The following MAP3K5 variants were observed in gnomAD, a reference collection of about 807,000 sequenced individuals.
MAP3K5 encodes the protein mitogen-activated protein kinase kinase kinase 5.
A neutral mutation model predicts 158.7 loss-of-function variants in MAP3K5; 56 were observed. The ratio of observed to expected loss-of-function variants is 0.35; its 90% confidence interval spans 0.28 to 0.44. MAP3K5 has a LOEUF of 0.44. MAP3K5 is among the 20% of genes least tolerant of loss of function. The probability of loss-of-function intolerance (pLI) is 1.00; values close to 1 mark genes in which losing one functional copy is unlikely to be tolerated. For synonymous variants in MAP3K5, 579 were observed against 601.7 expected, an observed-to-expected ratio of 0.96 and a Z score of 0.55; for missense variants, 1,294 against 1,674.8, an observed-to-expected ratio of 0.77 and a Z score of 3.97.
At chr6:136,604,229 C>A (rs141960121) in intron 19 of MAP3K5, among the ~76,000 whole-genome samples, 1 of 151,194 alleles carries the variant, frequency 6.6e-6, no homozygotes, top group Non-Finnish European at 1.5e-5. Flanking sequence ...GGCTGAGGCA[C>A]GAGAATTGCT....
chr6:136,750,599 C>T (rs1176558485), intron 1 of MAP3K5, among the ~76,000 whole-genome samples: 1 of 152,204 alleles, frequency 6.6e-6, no homozygotes, highest in African/African-American at 2.4e-5. Context: ...TCGACAAGAT[C>T]ATGTGGCATC....
chr6:136,663,025 G>A (rs759884452), intron 8 of MAP3K5, among the ~76,000 whole-genome samples: 3 of 152,134 alleles, frequency 2.0e-5, no homozygotes, highest in Admixed American at 6.5e-5. Flanking sequence ...TTATGTTCAA[G>A]GCTGTTTTAG....
chr6:136,635,580 G>A (rs556223957), intron 14 of MAP3K5, among the ~76,000 whole-genome samples: 4 of 151,850 alleles, frequency 2.6e-5, no homozygotes, highest in African/African-American at 9.7e-5. Flanking sequence ...ACTTAACTAC[G>A]GGCAGAGTTA....
intron 7 of MAP3K5, among the ~76,000 whole-genome samples, chr6:136,691,439 G>A (rs1260493673): frequency 3.3e-5 from 5 of 151,908 alleles, no homozygotes; most frequent in South Asian, 2.1e-4. Context: ...GGGGAAACCC[G>A]GACTCAACTA....
chr6:136,580,433 C>T lies in MAP3K5; in HGVS notation c.3412-27G>A, dbSNP rs765138345. 69 of 1,465,216 alleles carry T rather than the reference C, an allele frequency of 4.7e-5. No individual in the cohort carries two copies. The African/African-American group carries it at 7.1e-4, about 15-fold the overall frequency. The allele number at this position is 1,465,216 out of a possible 1,614,324, so 90.8% of individuals were successfully genotyped here. On this transcript the variant is annotated intron_variant, in intron 24 of 29. Coordinates refer to ENST00000359015, the MANE Select transcript of MAP3K5 (RefSeq NM_005923.4). ...TGGAGAGAGAGTGACATTTAGCCTA[C>T]TTTAATTTTTAATTGCAAATAGCCT...
rs1376710336 is a variant in MAP3K5, at chr6:136,692,868, A to T, written c.1253+1272T>A. Among the ~76,000 whole-genome samples, 12 of 152,248 alleles carry T rather than the reference A, an allele frequency of 7.9e-5. No individual in the cohort carries two copies. In the East Asian group the frequency reaches 2.1e-3, roughly 27 times the overall value. On this transcript the variant is annotated intron_variant, in intron 7 of 29. Coordinates refer to ENST00000359015, the MANE Select transcript of MAP3K5 (RefSeq NM_005923.4). ...CTACTCAGGAGGCTGAGGTGGGAAG[A>T]TCACTTGAGCTCAGGAGGTGGAGGT...
chr6:136,663,518 C>T (rs1484482144), intron 8 of MAP3K5, among the ~76,000 whole-genome samples: 1 of 145,420 alleles, frequency 6.9e-6, no homozygotes, highest in Non-Finnish European at 1.5e-5. Context: ...GATTGACTCC[C>T]AAATGTCTCT....
intron 24 of MAP3K5, 103 bp from the exon 25 acceptor site, chr6:136,580,509 T>C (rs746908636): frequency 9.7e-6 from 6 of 621,052 alleles, no homozygotes; most frequent in Non-Finnish European, 1.7e-5. Flanking sequence ...AACTAAAAAG[T>C]TTCTTCAACT....
chr6:136,622,697 AATG>A, intron 15 of MAP3K5, 148 bp downstream of exon 15: 1 of 799,292 alleles, frequency 1.3e-6, no homozygotes, highest in East Asian at 2.5e-5. Flanking sequence ...TCAAACACTG[AATG>A]ATGCAGCAGC....
intron 25 of MAP3K5, among the ~76,000 whole-genome samples, chr6:136,571,434 G>A (rs144650176): frequency 1.8e-4 from 27 of 152,126 alleles, no homozygotes; most frequent in Admixed American, 1.7e-3. Flanking sequence ...ATAAGCCACT[G>A]GGTGCCACTC....
intron 1 of MAP3K5, among the ~76,000 whole-genome samples, chr6:136,736,412 G>T (rs1355483333): frequency 6.6e-6 from 1 of 152,178 alleles, no homozygotes; most frequent in Non-Finnish European, 1.5e-5. Context: ...CATGACAGAT[G>T]TATAAATGAT....
chr6:136,615,172 T>C (rs1377596883), intron 15 of MAP3K5, among the ~76,000 whole-genome samples: 2 of 152,202 alleles, frequency 1.3e-5, no homozygotes, highest in African/African-American at 4.8e-5. Flanking sequence ...TTTCAGCAAA[T>C]TGAGTTTTAA....
At position 136,759,574 on chromosome 6, in the gene MAP3K5, G is replaced by A. The variant is rs140616745; in HGVS notation, c.448+32136C>T. ...CAACCTCTACATCCTAGGCTCGAGCGATCCTCCCACCTCAGCCTCCTGAAT... is the reference window on the plus strand; with the variant it reads ...CAACCTCTACATCCTAGGCTCGAGCAATCCTCCCACCTCAGCCTCCTGAAT... On this transcript the variant is annotated intron_variant, in intron 1 of 29. Transcript: ENST00000359015. Among the ~76,000 whole-genome samples, 587 of 149,116 alleles carry A rather than the reference G, an allele frequency of 3.9e-3. 4 individuals are homozygous for A. Among genetic ancestry groups the A allele is most frequent in the African/African-American group, 0.013 (522 of 40,592 alleles).
At chr6:136,673,941 G>C (rs758641443) in intron 7 of MAP3K5, among the ~76,000 whole-genome samples, 6 of 151,972 alleles carry the variant, frequency 3.9e-5, no homozygotes, top group Non-Finnish European at 7.4e-5. Flanking sequence ...GATAAAATAA[G>C]ATAATTATAG....
intron 1 of MAP3K5, among the ~76,000 whole-genome samples, chr6:136,725,545 G>A (rs2114801612): frequency 6.6e-6 from 1 of 152,208 alleles, no homozygotes; most frequent in Non-Finnish European, 1.5e-5. Context: ...AAAAATTATT[G>A]TTGAGTTTGT....
chr6:136,733,803 T>G (rs1453595991), intron 1 of MAP3K5, among the ~76,000 whole-genome samples: 1 of 150,010 alleles, frequency 6.7e-6, no homozygotes, highest in African/African-American at 2.5e-5. Flanking sequence ...CACATCATAG[T>G]CACACAAAGT....
chr6:136,570,252 C>A (rs572525027), intron 25 of MAP3K5, among the ~76,000 whole-genome samples: 2 of 152,202 alleles, frequency 1.3e-5, no homozygotes, highest in East Asian at 3.9e-4. Flanking sequence ...TTATATTTAC[C>A]CTATTTGATC....
intron 12 of MAP3K5, among the ~76,000 whole-genome samples, chr6:136,642,042 AAAT>A (rs1777990367): frequency 7.8e-6 from 1 of 129,018 alleles, no homozygotes; most frequent in East Asian, 2.1e-4. Flanking sequence ...AAATAAAATA[AAAT>A]AAAATAAAAT....
At chr6:136,732,648 C>T (rs560551982) in intron 1 of MAP3K5, among the ~76,000 whole-genome samples, 78 of 152,290 alleles carry the variant, frequency 5.1e-4, no homozygotes, top group African/African-American at 1.8e-3. Flanking sequence ...CTGAAAGTAG[C>T]ACCACCTGAG....
Sources: gnomAD v4.1 joint callset for allele counts (sites outside exome capture counted in the v4.1 genomes callset) on GRCh38, gnomAD v4.1.1 for gene constraint, MANE v1.5 for transcripts, NCBI Gene and HGNC (gene_info 2026-07-23, HGNC 2026-07-21) for gene names.